Variants in CNTN5 observed in about 807,000 individuals in gnomAD.
The protein encoded by CNTN5 is contactin 5.
A neutral mutation model predicts 129.1 loss-of-function variants in CNTN5; 77 were observed. That is an observed-to-expected ratio of 0.60 (90% confidence interval 0.50 to 0.72). The LOEUF is 0.72. Ranked by LOEUF, CNTN5 falls within the 30% of genes least tolerant of loss-of-function variation. CNTN5 has a pLI of 0.00. For missense variants in CNTN5, 1,478 were observed against 1,328.8 expected (o/e 1.11, Z -1.75); for synonymous variants, 509 against 465.6 (o/e 1.09, Z -1.20).
intron 1 of CNTN5, among the ~76,000 whole-genome samples, chr11:99,253,324 A>T (rs1290141000): frequency 1.3e-5 from 2 of 152,040 alleles, no homozygotes; most frequent in African/African-American, 4.8e-5. Flanking sequence ...AATCCATTAA[A>T]TCTCTTTCCT....
intron 6 of CNTN5, among the ~76,000 whole-genome samples, chr11:99,897,294 G>C (rs1440001643): frequency 6.6e-6 from 1 of 152,070 alleles, no homozygotes; most frequent in Non-Finnish European, 1.5e-5. Context: ...GAGGAAACCA[G>C]AGAACACCTA....
intron 3 of CNTN5, among the ~76,000 whole-genome samples, chr11:99,658,826 T>A (rs1952484632): frequency 7.0e-6 from 1 of 142,498 alleles, no homozygotes; most frequent in Non-Finnish European, 1.5e-5. Flanking sequence ...AGGTGGAGGA[T>A]GCAGTGGGCC....
At chr11:99,793,109 G>T (rs1026919916) in intron 3 of CNTN5, among the ~76,000 whole-genome samples, 2 of 151,676 alleles carry the variant, frequency 1.3e-5, no homozygotes, top group African/African-American at 4.8e-5. Flanking sequence ...GCCCAGGCTG[G>T]AGTGCAGTGG....
intron 3 of CNTN5, among the ~76,000 whole-genome samples, chr11:99,693,643 A>G (rs972243275): frequency 6.6e-6 from 1 of 152,102 alleles, no homozygotes; most frequent in Non-Finnish European, 1.5e-5. Flanking sequence ...CTGCAAACAT[A>G]ATACCCAAAT....
intron 8 of CNTN5, among the ~76,000 whole-genome samples, chr11:99,985,693 A>C (rs1179786684): frequency 6.6e-6 from 1 of 152,154 alleles, no homozygotes; most frequent in South Asian, 2.1e-4. Context: ...CTTCAAGTGG[A>C]AGACTAAAAC....
rs556895366 is a variant in CNTN5, at chr11:99,712,034, C to T, written c.56-107510C>T. 2.0e-5 allele frequency among the ~76,000 whole-genome samples: 3 copies of T among 152,108 alleles called. No homozygotes were observed. In the South Asian group the frequency reaches 6.2e-4, roughly 32 times the overall value. On this transcript the variant is annotated intron_variant, in intron 3 of 24. Transcript: ENST00000524871. ...GCTAGGTCAAATGGTACTTCTAGTT[C>T]CACATTCTTAAGGAATCACCACACT... is the stretch of plus-strand genomic sequence containing the variant.
At chr11:99,371,566 TA>T (rs1939825588) in intron 2 of CNTN5, among the ~76,000 whole-genome samples, 2 of 152,144 alleles carry the variant, frequency 1.3e-5, no homozygotes, top group African/African-American at 2.4e-5. Context: ...AGTGGAGAAC[TA>T]AAATAGAATT....
At chr11:99,933,026 G>T (rs1243491408) in intron 7 of CNTN5, among the ~76,000 whole-genome samples, 1 of 152,080 alleles carries the variant, frequency 6.6e-6, no homozygotes, top group East Asian at 1.9e-4. Flanking sequence ...ATGTTATCAG[G>T]TACTTGATAA....
chr11:100,144,615 G>C (rs1946793141), intron 13 of CNTN5, among the ~76,000 whole-genome samples: 1 of 152,094 alleles, frequency 6.6e-6, no homozygotes, highest in Admixed American at 6.6e-5. Flanking sequence ...TTTAATCTCA[G>C]AAACTCCTTT....
chr11:99,244,738 A>C (rs761750838), intron 1 of CNTN5, among the ~76,000 whole-genome samples: 1 of 152,112 alleles, frequency 6.6e-6, no homozygotes, highest in Non-Finnish European at 1.5e-5. Context: ...TAGGCATATG[A>C]ATCTGCAAAA....
intron 1 of CNTN5, among the ~76,000 whole-genome samples, chr11:99,091,402 A>G (rs1298961006): frequency 6.6e-6 from 1 of 152,206 alleles, no homozygotes. Context: ...TTGGAACCAA[A>G]TGATAAAGTT....
At chr11:99,120,072 TTGTC>T (rs1304794017) in intron 1 of CNTN5, 1 of 152,100 alleles carries the variant, frequency 6.6e-6, no homozygotes, top group Non-Finnish European at 1.5e-5. Context: ...ATTCTTTAGG[TTGTC>T]TGTTTATTCT....
At chr11:99,813,760 C>A (rs557068132) in intron 3 of CNTN5, among the ~76,000 whole-genome samples, 128 of 152,148 alleles carry the variant, frequency 8.4e-4, no homozygotes, top group Non-Finnish European at 1.5e-3. Flanking sequence ...CTTGGAATTA[C>A]ATAAAGACAA....
intron 1 of CNTN5, among the ~76,000 whole-genome samples, chr11:99,037,953 C>A (rs1431587892): frequency 1.3e-5 from 2 of 152,012 alleles, no homozygotes; most frequent in Admixed American, 1.3e-4. Context: ...TGATAAACTG[C>A]TTTGCCTAAC....
At chr11:99,321,481 TAA>T (rs1191210946) in intron 1 of CNTN5, among the ~76,000 whole-genome samples, 1 of 152,088 alleles carries the variant, frequency 6.6e-6, no homozygotes, top group Non-Finnish European at 1.5e-5. Context: ...ATGTGGTATG[TAA>T]TTAAACCAGT....
intron 1 of CNTN5, among the ~76,000 whole-genome samples, chr11:99,228,539 A>G (rs2135721288): frequency 6.6e-6 from 1 of 152,238 alleles, no homozygotes; most frequent in Non-Finnish European, 1.5e-5. Context: ...GATACCCTAA[A>G]TACCTTGAAT....
At chr11:99,475,234 T>C (rs117073045) in intron 2 of CNTN5, among the ~76,000 whole-genome samples, 2,256 of 152,286 alleles carry the variant, frequency 0.015, 99 homozygotes, top group Admixed American at 0.091. Flanking sequence ...TGGATGAGTT[T>C]GGCACAATTT....
intron 2 of CNTN5, among the ~76,000 whole-genome samples, chr11:99,524,766 G>C (rs1456236576): frequency 6.6e-6 from 1 of 151,530 alleles, no homozygotes; most frequent in East Asian, 1.9e-4. Flanking sequence ...TCATGCCACT[G>C]CACTCCAGCC....
intron 3 of CNTN5, among the ~76,000 whole-genome samples, chr11:99,661,157 C>A (rs1320125380): frequency 6.6e-6 from 1 of 152,054 alleles, no homozygotes. Flanking sequence ...GATAAAGGAT[C>A]AAGATCAGAA....
Sources: allele counts gnomAD v4.1 joint callset (sites outside exome capture counted in the v4.1 genomes callset), GRCh38; gene constraint gnomAD v4.1.1; transcripts MANE v1.5; gene names NCBI Gene and HGNC (gene_info 2026-07-23, HGNC 2026-07-21).